Variants in IL1RL1 observed in about 807,000 individuals in gnomAD.
The protein encoded by IL1RL1 is interleukin-1 receptor-like 1.
Under a neutral mutation model 50.9 loss-of-function variants are expected in IL1RL1, and 32 were observed. That is an observed-to-expected ratio of 0.63 (90% CI 0.47 to 0.84). The LOEUF (loss-of-function observed/expected upper bound fraction) is 0.84, where lower values mean the gene tolerates loss of function less well. IL1RL1 is among the 40% of genes least tolerant of loss of function. The pLI is 0.00. For synonymous variants in IL1RL1, 275 were observed against 236.0 expected (o/e 1.17, Z -1.51); for missense variants, 773 against 662.9 (o/e 1.17, Z -1.82).
intron 6 of IL1RL1, 51 bp downstream of exon 6, chr2:102,342,345 A>G (rs1254499725): frequency 5.5e-6 from 7 of 1,265,862 alleles, no homozygotes; most frequent in African/African-American, 1.5e-5. Flanking sequence ...AAATCCTTCC[A>G]TATGACCCCT....
At chr2:102,321,404 G>A (rs918197058) in intron 1 of IL1RL1, among the ~76,000 whole-genome samples, 1 of 152,074 alleles carries the variant, frequency 6.6e-6, no homozygotes, top group African/African-American at 2.4e-5. Context: ...TGGTTGTCTG[G>A]GTTCAGTATT....
intron 1 of IL1RL1, among the ~76,000 whole-genome samples, chr2:102,312,655 G>T (rs916927528): frequency 1.3e-5 from 2 of 152,072 alleles, no homozygotes; most frequent in African/African-American, 4.8e-5. Flanking sequence ...ATAGAGAACG[G>T]ACATGAGAGG....
chr2:102,324,059 A>G (rs1345085456), intron 1 of IL1RL1, among the ~76,000 whole-genome samples: 2 of 148,262 alleles, frequency 1.3e-5, no homozygotes, highest in African/African-American at 4.9e-5. Flanking sequence ...TGAATATAGA[A>G]TAGTTTAGCC....
intron 1 of IL1RL1, among the ~76,000 whole-genome samples, chr2:102,318,978 A>C (rs1215214563): frequency 3.3e-5 from 5 of 152,224 alleles, no homozygotes; most frequent in Non-Finnish European, 7.3e-5. Flanking sequence ...TTATTGCAAA[A>C]CAAACAAACC....
intron 10 of IL1RL1, among the ~76,000 whole-genome samples, chr2:102,350,986 G>A (rs1024108412): frequency 2.0e-5 from 3 of 152,156 alleles, no homozygotes; most frequent in Non-Finnish European, 4.4e-5. Context: ...ATGGGAAAGG[G>A]GATCTATTGT....
chr2:102,314,268 C>G (rs77988178), intron 1 of IL1RL1, among the ~76,000 whole-genome samples: 1 of 152,178 alleles, frequency 6.6e-6, no homozygotes, highest in South Asian at 2.1e-4. Context: ...AGGGATGAAA[C>G]CAAGTCCTTG....
At chr2:102,330,961 TAGAG>T (rs898329024) in intron 1 of IL1RL1, among the ~76,000 whole-genome samples, 57 of 152,334 alleles carry the variant, frequency 3.7e-4, no homozygotes, top group African/African-American at 1.3e-3. Context: ...CTTTTTCACA[TAGAG>T]AGTCAATTTT....
chr2:102,343,294 A>C lies in IL1RL1; in HGVS notation c.849A>C (p.Leu283=). 1.2e-6 allele frequency: 2 copies of C among 1,614,226 alleles called. No homozygotes were observed. Among genetic ancestry groups the C allele is most frequent in the Non-Finnish European group, 1.7e-6 (2 of 1,180,042 alleles). ...NQSFSNGLAC[L]DMVLRIADVK... is the part of the protein sequence containing the mutation. ...GTTTCAGCAATGGGCTGGCTTGTCT[A>C]GACATGGTTTTAAGAATAGCTGACG... The change falls in exon 8 of 11, where the codon CTA becomes CTC. Residue 283 remains leucine (L), a synonymous_variant. Coordinates refer to ENST00000233954, the MANE Select transcript of IL1RL1 (RefSeq NM_016232.5).
chr2:102,331,868 G>A (rs1460930666), intron 1 of IL1RL1, among the ~76,000 whole-genome samples: 1 of 152,100 alleles, frequency 6.6e-6, no homozygotes, highest in Non-Finnish European at 1.5e-5. Context: ...AGATGTTTGA[G>A]ACCAGCTTTG....
chr2:102,324,223 G>A lies in IL1RL1; in HGVS notation c.-150+12600G>A, dbSNP rs141208743. Among the ~76,000 whole-genome samples the A allele has an allele frequency of 4.0e-3, 609 of 152,220 alleles. 2 individuals are homozygous for A. Among genetic ancestry groups the A allele is most frequent in the African/African-American group, 0.014 (570 of 41,520 alleles). ...AGAGAATTTCTGGAGTGTAACACAA[G>A]CACATAATCAGAAACTGCCAAACTA... On this transcript the variant is annotated intron_variant, in intron 1 of 10. Coordinates refer to ENST00000233954, the MANE Select transcript of IL1RL1 (RefSeq NM_016232.5).
At chr2:102,335,275 A>C (rs1369175948) in intron 1 of IL1RL1, among the ~76,000 whole-genome samples, 1 of 152,252 alleles carries the variant, frequency 6.6e-6, no homozygotes, top group African/African-American at 2.4e-5. Context: ...TTTTCAAAGA[A>C]GAAATTATAG....
At chr2:102,345,093 G>A (rs1677733512) in intron 8 of IL1RL1, 1 of 872,352 alleles carries the variant, frequency 1.1e-6, no homozygotes. Flanking sequence ...AGGCAAGAAG[G>A]GGATATGTTT....
intron 8 of IL1RL1, among the ~76,000 whole-genome samples, chr2:102,346,261 A>T (rs997366471): frequency 2.0e-5 from 3 of 152,184 alleles, no homozygotes; most frequent in Non-Finnish European, 4.4e-5. Flanking sequence ...ATTATTTCCT[A>T]TGTACAAGGA....
In IL1RL1 at chr2:102,350,026, C is replaced by T. The variant is rs534699079; in HGVS notation, c.1285+780C>T. On this transcript the variant is annotated intron_variant, in intron 10 of 10. Transcript: ENST00000233954. ...ATGCCTATAGATGTAAAGGTATGAA[C>T]AACAGGTGACTTTGGTTTACCCTGG... Among the ~76,000 whole-genome samples, 247 of 151,890 alleles carry T rather than the reference C, an allele frequency of 1.6e-3. 1 individual carries two copies. Among genetic ancestry groups the T allele is most frequent in the Non-Finnish European group, 1.9e-3 (131 of 67,936 alleles).
At chr2:102,343,643 C>T (rs1267543139) in intron 8 of IL1RL1, 11 of 1,423,700 alleles carry the variant, frequency 7.7e-6, no homozygotes, top group East Asian at 7.7e-5. Flanking sequence ...TCCCTCCTAT[C>T]GTTGGTTTGT....
At chr2:102,330,440 T>C (rs535419795) in intron 1 of IL1RL1, among the ~76,000 whole-genome samples, 2 of 152,216 alleles carry the variant, frequency 1.3e-5, no homozygotes, top group East Asian at 1.9e-4. Flanking sequence ...TGTATACATA[T>C]GTAAAAAACC....
intron 1 of IL1RL1, among the ~76,000 whole-genome samples, chr2:102,334,696 A>T (rs1677264871): frequency 1.3e-5 from 2 of 152,128 alleles, no homozygotes; most frequent in South Asian, 4.2e-4. Flanking sequence ...CTGTCTTTTG[A>T]CACTGGTTTA....
At position 102,351,590 on chromosome 2, in the gene IL1RL1, T is replaced by C. The variant is rs778763313; in HGVS notation, c.1340T>C (p.Ile447Thr). 1 of 1,614,128 alleles carries C rather than the reference T, an allele frequency of 6.2e-7. No individual in the cohort carries two copies. Among genetic ancestry groups the C allele is most frequent in the Admixed American group, 1.7e-5 (1 of 60,008 alleles). Reference protein sequence around the residue: ...NIRKSRRHIFILTPQITHNKE... With the variant: ...NIRKSRRHIFTLTPQITHNKE... ...CGAAAGAGCAGGCGGCACATTTTCA[T>C]CCTGACCCCTCAGATCACTCACAAT... The change falls in exon 11 of 11, where the codon ATC becomes ACC. Residue 447 changes from isoleucine to threonine, a missense_variant. Ile to Thr is a moderately conservative substitution (Grantham distance 89, BLOSUM62 -1). Transcript: ENST00000233954.
chr2:102,312,372 A>G (rs1210635078), intron 1 of IL1RL1, among the ~76,000 whole-genome samples: 2 of 151,628 alleles, frequency 1.3e-5, no homozygotes, highest in Admixed American at 6.6e-5. Context: ...ATCATGGTAC[A>G]GATTGATGAA....
Sources: allele counts gnomAD v4.1 joint callset (sites outside exome capture counted in the v4.1 genomes callset), GRCh38; gene constraint gnomAD v4.1.1; transcripts MANE v1.5; gene names NCBI Gene and HGNC (gene_info 2026-07-23, HGNC 2026-07-21).